The following COG5 variants were observed in gnomAD, a reference collection of about 807,000 sequenced individuals.
COG5 encodes the protein component of oligomeric golgi complex 5.
Under a neutral mutation model 110.4 loss-of-function variants are expected in COG5, and 86 were observed. The ratio of observed to expected loss-of-function variants is 0.78; its 90% CI spans 0.65 to 0.93. The LOEUF is 0.93. COG5 is among the 40% of genes least tolerant of loss of function. The pLI is 0.00. For synonymous variants in COG5, 360 were observed against 334.6 expected, an observed-to-expected ratio of 1.08 and a Z score of -0.83; for missense variants, 1,077 against 987.0, an observed-to-expected ratio of 1.09 and a Z score of -1.22.
chr7:107,310,359 T>G (rs529429760), intron 11 of COG5, among the ~76,000 whole-genome samples: 34 of 152,368 alleles, frequency 2.2e-4, no homozygotes, highest in African/African-American at 7.9e-4. Context: ...TCACAGAATT[T>G]AAGCTGCCCA....
At chr7:107,390,314 G>A (rs1332026143) in intron 7 of COG5, among the ~76,000 whole-genome samples, 1 of 152,002 alleles carries the variant, frequency 6.6e-6, no homozygotes, top group Non-Finnish European at 1.5e-5. Flanking sequence ...TAGGTAATCT[G>A]GCCAAAAATG....
chr7:107,464,494 C>T (rs1273801258), intron 6 of COG5, among the ~76,000 whole-genome samples: 1 of 152,208 alleles, frequency 6.6e-6, no homozygotes, highest in Non-Finnish European at 1.5e-5. Context: ...CTCTGTACTA[C>T]TACCCCACCA....
At chr7:107,252,161 T>A (rs114535031) in intron 16 of COG5, among the ~76,000 whole-genome samples, 2 of 152,056 alleles carry the variant, frequency 1.3e-5, no homozygotes, top group South Asian at 4.2e-4. Context: ...TTCAAGGCTG[T>A]AGCACGCCAT....
chr7:107,299,100 C>A (rs1384298970), intron 11 of COG5, among the ~76,000 whole-genome samples: 2 of 151,888 alleles, frequency 1.3e-5, no homozygotes, highest in Non-Finnish European at 2.9e-5. Context: ...AAATCAATGA[C>A]CTAAACTTCC....
intron 1 of COG5, 94 bp downstream of exon 1, chr7:107,563,709 T>C (rs1477980687): frequency 8.1e-6 from 12 of 1,474,384 alleles, no homozygotes; most frequent in Non-Finnish European, 1.1e-5. Flanking sequence ...TGGAAAACTT[T>C]CTGCAAAGCA....
intron 10 of COG5, among the ~76,000 whole-genome samples, chr7:107,332,166 A>C (rs919406644): frequency 6.7e-6 from 1 of 149,626 alleles, no homozygotes; most frequent in Non-Finnish European, 1.5e-5. Flanking sequence ...CTTTTCAGCA[A>C]GATCTATGCT....
chr7:107,296,169 C>G (rs1167087380), intron 12 of COG5, among the ~76,000 whole-genome samples: 1 of 145,066 alleles, frequency 6.9e-6, no homozygotes, highest in Admixed American at 6.8e-5. Context: ...CCCTCTCTCT[C>G]CCTCTCTTTT....
intron 6 of COG5, among the ~76,000 whole-genome samples, chr7:107,422,676 TC>T (rs1793376710): frequency 6.6e-6 from 1 of 151,844 alleles, no homozygotes; most frequent in Non-Finnish European, 1.5e-5. Flanking sequence ...CTCTAAGGTT[TC>T]TTTAATGAAA....
chr7:107,549,809 G>A (rs1802756232), intron 3 of COG5, among the ~76,000 whole-genome samples: 1 of 152,006 alleles, frequency 6.6e-6, no homozygotes, highest in South Asian at 2.1e-4. Context: ...ACCCCAAGAC[G>A]TGATCCTCAG....
chr7:107,358,691 T>C (rs1169552635), intron 10 of COG5, among the ~76,000 whole-genome samples: 1 of 152,204 alleles, frequency 6.6e-6, no homozygotes, highest in African/African-American at 2.4e-5. Flanking sequence ...CACCTGCTTT[T>C]CTACTGGGAG....
At chr7:107,421,032 G>T (rs1320652334) in intron 6 of COG5, among the ~76,000 whole-genome samples, 4 of 152,096 alleles carry the variant, frequency 2.6e-5, no homozygotes, top group African/African-American at 4.8e-5. Flanking sequence ...GTCTCACTCT[G>T]TGTCTGCTTT....
At chr7:107,426,768 A>T (rs1793670447) in intron 6 of COG5, among the ~76,000 whole-genome samples, 2 of 152,208 alleles carry the variant, frequency 1.3e-5, no homozygotes, top group African/African-American at 2.4e-5. Flanking sequence ...CCCATAGTGT[A>T]GCTGTGTGTT....
rs189019978 is a variant in COG5, at chr7:107,222,737, T to C, written c.2168+7878A>G. Among the ~76,000 whole-genome samples, 10 of 152,292 alleles carry C rather than the reference T, an allele frequency of 6.6e-5. No homozygotes were observed. The East Asian group carries it at 1.5e-3, about 23-fold the overall frequency. On this transcript the variant is annotated intron_variant, in intron 19 of 21. Transcript: ENST00000297135. ...AAATAAATAACCATCTAAAGTGCTT[T>C]ATGAAACAAAAAGAAATAAGGTGTT...
intron 7 of COG5, among the ~76,000 whole-genome samples, chr7:107,394,367 C>A (rs541091718): frequency 6.6e-6 from 1 of 151,216 alleles, no homozygotes; most frequent in East Asian, 1.9e-4. Flanking sequence ...CTTTACAAAA[C>A]CAAAATATTT....
At chr7:107,222,627 C>T (rs1316500338) in intron 19 of COG5, among the ~76,000 whole-genome samples, 1 of 152,172 alleles carries the variant, frequency 6.6e-6, no homozygotes, top group African/African-American at 2.4e-5. Context: ...GTTTTGGGTG[C>T]TTGTTTTAAG....
At chr7:107,505,678 T>C (rs1020758572) in intron 6 of COG5, among the ~76,000 whole-genome samples, 4 of 152,218 alleles carry the variant, frequency 2.6e-5, no homozygotes, top group African/African-American at 9.6e-5. Context: ...GAGCCCAGCA[T>C]GGCAACTGTA....
intron 17 of COG5, among the ~76,000 whole-genome samples, chr7:107,247,293 AAAT>A (rs1384267401): frequency 2.0e-5 from 3 of 152,188 alleles, no homozygotes; most frequent in African/African-American, 4.8e-5. Flanking sequence ...CTGGGTGATG[AAAT>A]AATATGTACA....
intron 5 of COG5, among the ~76,000 whole-genome samples, chr7:107,537,997 C>A (rs1018063572): frequency 1.3e-5 from 2 of 152,200 alleles, no homozygotes; most frequent in African/African-American, 2.4e-5. Flanking sequence ...GCTCCCAAAT[C>A]ATTTCTTTTC....
rs572952046 is a variant in COG5 at position 107,505,376 on chromosome 7, G to A, written c.538+21861C>T. 3.3e-5 allele frequency among the ~76,000 whole-genome samples: 5 copies of A among 152,274 alleles called. 1 individual carries two copies. In the South Asian group the frequency reaches 1.0e-3, roughly 32 times the overall value. On this transcript the variant is annotated intron_variant, in intron 6 of 21. Coordinates refer to ENST00000297135, the MANE Select transcript of COG5 (RefSeq NM_006348.5). ...GGAGCCACCTTAGCTCCCTTGTCAGGCTGGCAGAAAATTCATCTGCAGGAA... is the reference window on the plus strand; with the variant it reads ...GGAGCCACCTTAGCTCCCTTGTCAGACTGGCAGAAAATTCATCTGCAGGAA...
Sources: gnomAD v4.1 joint callset for allele counts (sites outside exome capture counted in the v4.1 genomes callset) on GRCh38, gnomAD v4.1.1 for gene constraint, MANE v1.5 for transcripts, NCBI Gene and HGNC (gene_info 2026-07-23, HGNC 2026-07-21) for gene names.